The following AKAP11 variants were observed in gnomAD, a reference collection of about 807,000 sequenced individuals.
AKAP11 encodes A-kinase anchor protein 11.
A neutral mutation model predicts 146.1 loss-of-function variants in AKAP11; 36 were observed. That is an observed-to-expected ratio of 0.25 (90% CI 0.19 to 0.33). The LOEUF (loss-of-function observed/expected upper bound fraction) is 0.33. Ranked by LOEUF, AKAP11 falls within the 10% of genes least tolerant of loss-of-function variation. The probability of loss-of-function intolerance (pLI) is 1.00; values close to 1 mark genes in which losing one functional copy is unlikely to be tolerated. For synonymous variants in AKAP11, 780 were observed against 786.5 expected, an observed-to-expected ratio of 0.99 and a Z score of 0.14; for missense variants, 2,201 against 2,197.0, an observed-to-expected ratio of 1.00 and a Z score of -0.04.
In AKAP11 at chr13:42,300,835, G is replaced by C. The variant is rs1410896497; in HGVS notation, c.2089G>C (p.Val697Leu). The C allele has an allele frequency of 6.2e-7, 1 of 1,614,128 alleles. No homozygotes were observed. The highest frequency in any genetic ancestry group is 8.5e-7 in the Non-Finnish European group (1 of 1,179,990). ...GTATGCAAAAGATTTGTCTGAATCT[G>C]TAATACAGGAAGCATTCATTGAGCT... ...KLYAKDLSES[V>L]IQEAFIELSQ... The change falls in exon 8 of 13, where the codon GTA becomes CTA. Residue 697 changes from valine to leucine, a missense_variant. This residue lies in a region of AKAP11 where 1,867 missense variants were observed against 1,833.5 expected (regional missense o/e 1.02). Coordinates refer to ENST00000025301, the MANE Select transcript of AKAP11 (RefSeq NM_016248.4).
At chr13:42,284,142 T>G (rs1182413473) in intron 1 of AKAP11, among the ~76,000 whole-genome samples, 1 of 152,216 alleles carries the variant, frequency 6.6e-6, no homozygotes. Context: ...GGTCCTATTC[T>G]GTAGTCTTAA....
At chr13:42,312,991 G>A in intron 9 of AKAP11, 56 bp from the exon 10 acceptor site, 4 of 1,448,472 alleles carry the variant, frequency 2.8e-6, no homozygotes, top group South Asian at 1.2e-5. Flanking sequence ...AGGAAACAAA[G>A]GTCTTTTCTA....
At chr13:42,298,408 C>G in intron 6 of AKAP11, 125 bp from the exon 7 acceptor site, 1 of 991,810 alleles carries the variant, frequency 1.0e-6, no homozygotes, top group Non-Finnish European at 1.5e-6. Context: ...AACCAAGGAG[C>G]TTTTCAGGAT....
chr13:42,273,231 TA>T (rs1958823204), intron 1 of AKAP11, among the ~76,000 whole-genome samples: 1 of 152,192 alleles, frequency 6.6e-6, no homozygotes, highest in Non-Finnish European at 1.5e-5. Context: ...ATACTCAAAA[TA>T]TGGAGTACTA....
intron 1 of AKAP11, among the ~76,000 whole-genome samples, chr13:42,276,489 A>G (rs1958921666): frequency 6.6e-6 from 1 of 152,098 alleles, no homozygotes; most frequent in Non-Finnish European, 1.5e-5. Context: ...CAAGCCGTCC[A>G]CCTGCCTTGG....
chr13:42,305,344 G>A (rs1960197691), intron 8 of AKAP11, among the ~76,000 whole-genome samples: 1 of 152,144 alleles, frequency 6.6e-6, no homozygotes, highest in Non-Finnish European at 1.5e-5. Context: ...TTGCTCCATA[G>A]CGTCTACTTG....
At position 42,323,241 on chromosome 13, in the gene AKAP11, C is replaced by G. The variant is rs1183164045; in HGVS notation, c.*4013C>G. The G allele has an allele frequency of 6.6e-6, 1 of 152,616 alleles. No homozygotes were observed. The highest frequency in any genetic ancestry group is 1.5e-5 in the Non-Finnish European group (1 of 68,022). 9.5% of individuals were successfully genotyped at this position (152,616 alleles called of 1,614,324 possible). A position where few individuals can be genotyped will look rare whatever the true frequency, so the allele number is the denominator to read the frequency against. ...ATCTTTCTTCTCCCAGCTAAGAGTT[C>G]TTCAATAAATTTAAGAAATACCTGG... is the stretch of plus-strand genomic sequence containing the variant. On this transcript the variant is annotated 3_prime_UTR_variant, in exon 13 of 13. Transcript: ENST00000025301.
intron 7 of AKAP11, 115 bp downstream of exon 7, chr13:42,298,912 A>T: frequency 9.0e-7 from 1 of 1,109,928 alleles, no homozygotes; most frequent in Non-Finnish European, 1.2e-6. Flanking sequence ...TTCAATTTAA[A>T]CCTTTTAACT....
intron 1 of AKAP11, among the ~76,000 whole-genome samples, chr13:42,274,742 A>T (rs1222995453): frequency 6.7e-6 from 1 of 150,366 alleles, no homozygotes; most frequent in East Asian, 1.9e-4. Flanking sequence ...TAGATTAGAG[A>T]CTGGACATGG....
intron 3 of AKAP11, among the ~76,000 whole-genome samples, chr13:42,291,995 C>T (rs891805102): frequency 6.6e-6 from 1 of 152,166 alleles, no homozygotes; most frequent in African/African-American, 2.4e-5. Flanking sequence ...CTGTTGTGCA[C>T]CTTACCATAG....
chr13:42,313,745 G>A, intron 10 of AKAP11, 149 bp from the exon 11 acceptor site: 1 of 647,994 alleles, frequency 1.5e-6, no homozygotes, highest in Non-Finnish European at 2.5e-6. Flanking sequence ...GAGAAGCAAA[G>A]CTTCCTTTTT....
chr13:42,301,608 C>T lies in AKAP11; in HGVS notation c.2862C>T (p.Ser954=), dbSNP rs1248297576. The stretch of plus-strand genomic sequence containing the variant: ...TTATTAAACATTCCATAGATAAGAG[C>T]AAATCAGTGATCCCAAATATAGATA... The part of the protein sequence containing the change: ...KSIIKHSIDK[S]KSVIPNIDKN... Residue 954 remains serine (S), a synonymous_variant, in exon 8 of 13, where the codon AGC becomes AGT. Transcript: ENST00000025301. The T allele has an allele frequency of 6.2e-7, 1 of 1,614,030 alleles. No individual in the cohort carries two copies. Among genetic ancestry groups the T allele is most frequent in the Non-Finnish European group, 8.5e-7 (1 of 1,179,970 alleles).
At chr13:42,281,462 C>G (rs1341371802) in intron 1 of AKAP11, among the ~76,000 whole-genome samples, 1 of 152,116 alleles carries the variant, frequency 6.6e-6, no homozygotes, top group Non-Finnish European at 1.5e-5. Flanking sequence ...ACAGGCGCTT[C>G]ACAGACTGGC....
chr13:42,292,228 TTTC>T (rs1201493601), intron 3 of AKAP11, among the ~76,000 whole-genome samples, 154 bp from the exon 4 acceptor site: 4 of 152,174 alleles, frequency 2.6e-5, no homozygotes, highest in African/African-American at 9.7e-5. Flanking sequence ...GAATGGAGCT[TTTC>T]TTCTCAGTGG....
chr13:42,274,065 A>G (rs922948809), intron 1 of AKAP11, among the ~76,000 whole-genome samples: 2 of 152,254 alleles, frequency 1.3e-5, no homozygotes, highest in African/African-American at 2.4e-5. Context: ...GCTGGTCTTC[A>G]TAACCTTTTG....
At chr13:42,278,307 CAA>C (rs1958976798) in intron 1 of AKAP11, among the ~76,000 whole-genome samples, 1 of 152,146 alleles carries the variant, frequency 6.6e-6, no homozygotes, top group Non-Finnish European at 1.5e-5. Flanking sequence ...TTTTGAAAAA[CAA>C]AATAGTATCT....
chr13:42,297,082 T>C lies in AKAP11; in HGVS notation c.251T>C (p.Ile84Thr), dbSNP rs1959558537. The change falls in exon 6 of 13, where the codon ATT becomes ACT. Residue 84 changes from isoleucine (I) to threonine (T), a missense_variant. Coordinates refer to ENST00000025301, the MANE Select transcript of AKAP11 (RefSeq NM_016248.4). ...LAAVSLELPD[I>T]LNSLHFCSLN... ...GCAGTTTCTTTGGAACTTCCAGATATTCTGAATTCACTCCACTTCTGCAGT... is the reference window on the plus strand; with the variant it reads ...GCAGTTTCTTTGGAACTTCCAGATACTCTGAATTCACTCCACTTCTGCAGT... 7.5e-6 allele frequency: 12 copies of C among 1,591,180 alleles called. No homozygotes were observed. Among genetic ancestry groups the C allele is most frequent in the Non-Finnish European group, 1.0e-5 (12 of 1,171,022 alleles).
intron 1 of AKAP11, among the ~76,000 whole-genome samples, chr13:42,277,916 A>G (rs1333000449): frequency 6.6e-6 from 1 of 152,242 alleles, no homozygotes; most frequent in Non-Finnish European, 1.5e-5. Context: ...ACATGTAGAC[A>G]TTTAACTGTT....
At chr13:42,311,152 C>T (rs559622749) in intron 9 of AKAP11, among the ~76,000 whole-genome samples, 1 of 152,204 alleles carries the variant, frequency 6.6e-6, no homozygotes, top group East Asian at 1.9e-4. Flanking sequence ...ACAATCAAGA[C>T]CAGTCTTGAT....
Sources: allele counts gnomAD v4.1 joint callset (sites outside exome capture counted in the v4.1 genomes callset), GRCh38; gene constraint gnomAD v4.1.1; regional missense constraint gnomAD v4.1.1; transcripts MANE v1.5; gene names NCBI Gene and HGNC (gene_info 2026-07-23, HGNC 2026-07-21).